The following DCX variants were observed in gnomAD, a reference collection of about 807,000 sequenced individuals.
DCX encodes the protein doublecortin, also known as neuronal migration protein doublecortin.
In DCX, 4 loss-of-function variants were observed where a neutral mutation model predicts 20.9. That is an observed-to-expected ratio of 0.19 (90% CI 0.09 to 0.44). The LOEUF (loss-of-function observed/expected upper bound fraction) is 0.44. Among genes scored for constraint, DCX ranks in the 20% least tolerant of loss-of-function variants. The pLI is 0.99. For synonymous variants in DCX, 103 were observed against 111.4 expected (o/e 0.92, Z 0.47); for missense variants, 133 against 296.9 (o/e 0.45, Z 4.06).
intron 3 of DCX, among the ~76,000 whole-genome samples, chrX:111,376,067 A>G (rs1400780783): frequency 8.9e-6 from 1 of 112,258 alleles, no homozygotes; most frequent in Non-Finnish European, 1.9e-5. Context: ...GGAAGACAAT[A>G]AGGTGAGGTT....
chrX:111,381,256 A>T (rs969354319), intron 3 of DCX, among the ~76,000 whole-genome samples: 2 of 110,272 alleles, frequency 1.8e-5, no homozygotes, highest in South Asian at 7.8e-4. Flanking sequence ...AACAAGGTTG[A>T]ATTATTTGTG....
At chrX:111,395,970 AAC>A (rs769589979) in intron 3 of DCX, among the ~76,000 whole-genome samples, 1 of 112,416 alleles carries the variant, frequency 8.9e-6, no homozygotes, top group African/African-American at 3.2e-5. Flanking sequence ...GCAAAGGAAA[AAC>A]ACACCTACCT....
At chrX:111,333,291 T>A in intron 3 of DCX, 138 bp from the exon 4 acceptor site, 1 of 515,681 alleles carries the variant, frequency 1.9e-6, no homozygotes. Flanking sequence ...TTAAAACACC[T>A]ACCACATTCA....
At chrX:111,338,581 CT>C (rs758262346) in intron 3 of DCX, among the ~76,000 whole-genome samples, 296 of 95,900 alleles carry the variant, frequency 3.1e-3, no homozygotes, top group African/African-American at 5.2e-3. Context: ...ACAATCCTGA[CT>C]TTTTTTTTTT....
intron 5 of DCX, among the ~76,000 whole-genome samples, chrX:111,321,562 GA>G (rs955314573): frequency 9.0e-6 from 1 of 111,515 alleles, no homozygotes; most frequent in Non-Finnish European, 1.9e-5. Flanking sequence ...GGGGGATGAG[GA>G]ATAAGGGGTA....
intron 1 of DCX, chrX:111,411,022 C>G (rs750545232): frequency 2.8e-6 from 3 of 1,066,178 alleles, no homozygotes; most frequent in Non-Finnish European, 1.3e-6. Context: ...TCCCCTCCCC[C>G]CAGAATAAAC....
At chrX:111,406,949 T>C (rs1237968703) in intron 2 of DCX, among the ~76,000 whole-genome samples, 4 of 112,434 alleles carry the variant, frequency 3.6e-5, no homozygotes, top group African/African-American at 1.3e-4. Flanking sequence ...AAATTATACC[T>C]TAATACAGTT....
At chrX:111,319,574 G>T (rs904030446) in intron 5 of DCX, among the ~76,000 whole-genome samples, 1 of 112,023 alleles carries the variant, frequency 8.9e-6, no homozygotes, top group Non-Finnish European at 1.9e-5. Flanking sequence ...CTGTGGAGTC[G>T]CAATGGGGCA....
intron 3 of DCX, among the ~76,000 whole-genome samples, chrX:111,335,885 C>T (rs1427540968): frequency 9.4e-6 from 1 of 106,899 alleles, no homozygotes; most frequent in East Asian, 3.0e-4. Context: ...ACCTGGGAGG[C>T]GGAGATTGCA....
intron 4 of DCX, among the ~76,000 whole-genome samples, chrX:111,331,812 T>A (rs1304685052): frequency 8.9e-6 from 1 of 112,417 alleles, no homozygotes; most frequent in East Asian, 2.8e-4. Context: ...TGCTAATTTA[T>A]TAGAAGGATT....
At chrX:111,388,826 G>C (rs1261684593) in intron 3 of DCX, among the ~76,000 whole-genome samples, 1 of 112,169 alleles carries the variant, frequency 8.9e-6, no homozygotes, top group Non-Finnish European at 1.9e-5. Context: ...TGATTTATCT[G>C]AGTTAGGACT....
At chrX:111,407,897 C>T (rs1199547572) in intron 2 of DCX, among the ~76,000 whole-genome samples, 2 of 109,825 alleles carry the variant, frequency 1.8e-5, no homozygotes, top group Admixed American at 9.8e-5. Flanking sequence ...TTGTGCATAA[C>T]GCCTCTCTTA....
intron 2 of DCX, among the ~76,000 whole-genome samples, 160 bp from the exon 3 acceptor site, chrX:111,401,490 C>T (rs1340247529): frequency 8.9e-6 from 1 of 112,087 alleles, no homozygotes; most frequent in African/African-American, 3.2e-5. Context: ...AAACTTGGCT[C>T]ATCCAAATTC....
rs757904595 is a variant in DCX at position 111,371,374 on chromosome X, C to T, written c.705+29616G>A. 4.5e-5 allele frequency among the ~76,000 whole-genome samples: 5 copies of T among 111,161 alleles called. No individual in the cohort carries two copies. The South Asian group carries it at 1.5e-3, about 34-fold the overall frequency. Reference sequence around the variant, plus strand: ...GCCTTAAAGGGTGATAGGCAAATTCCACTTCCTCAGCCTTCTGTAATTGAG... The same window carrying T: ...GCCTTAAAGGGTGATAGGCAAATTCTACTTCCTCAGCCTTCTGTAATTGAG... On this transcript the variant is annotated intron_variant, in intron 3 of 6. Transcript: ENST00000636035.
intron 3 of DCX, among the ~76,000 whole-genome samples, chrX:111,400,488 C>T (rs1469815247): frequency 2.7e-5 from 3 of 112,097 alleles, no homozygotes; most frequent in Non-Finnish European, 5.6e-5. Flanking sequence ...TAGTGTGAGG[C>T]AAAGACAACG....
chrX:111,312,767 A>G, intron 5 of DCX, 31 bp from the exon 6 acceptor site: 1 of 1,174,796 alleles, frequency 8.5e-7, no homozygotes, highest in Non-Finnish European at 1.2e-6. Context: ...AGGAAGGGAT[A>G]AAAATCAACA....
At chrX:111,324,084 G>A (rs1254644065) in intron 5 of DCX, among the ~76,000 whole-genome samples, 1 of 111,504 alleles carries the variant, frequency 9.0e-6, no homozygotes, top group East Asian at 2.8e-4. Context: ...AAATGCTTTT[G>A]ATTTTTAGAT....
chrX:111,409,919 C>T (rs950419920), intron 2 of DCX, 116 bp downstream of exon 2: 1 of 995,531 alleles, frequency 1.0e-6, no homozygotes, highest in Non-Finnish European at 1.4e-6. Flanking sequence ...GAGCATCAAT[C>T]AACCCGGTGT....
rs959624519 is a variant in DCX at position 111,294,489 on chromosome X, T to C, written c.*7198A>G. 1 of 111,305 alleles carries C rather than the reference T, an allele frequency of 9.0e-6. No homozygotes were observed. Among genetic ancestry groups the C allele is most frequent in the African/African-American group, 3.3e-5 (1 of 30,592 alleles). The allele number at this position is 111,305 out of a possible 1,213,427, so 9.2% of individuals were successfully genotyped here. A position where few individuals can be genotyped will look rare whatever the true frequency, so the allele number is the denominator to read the frequency against. On this transcript the variant is annotated 3_prime_UTR_variant, in exon 7 of 7. Transcript: ENST00000636035. ...ATCAAATGGCCAAATACAACCCCAA[T>C]TTACCACTGATTTTTACGTAAAGTT...
Sources: gnomAD v4.1 joint callset for allele counts (sites outside exome capture counted in the v4.1 genomes callset) on GRCh38, gnomAD v4.1.1 for gene constraint, MANE v1.5 for transcripts, NCBI Gene and HGNC (gene_info 2026-07-23, HGNC 2026-07-21) for gene names.